Variants in CDH19 observed in about 807,000 individuals in gnomAD.
CDH19 encodes cadherin 19.
CDH19 carries 67 observed loss-of-function variants against 64.2 expected under a neutral mutation model. That is an observed-to-expected ratio of 1.04 (90% CI 0.86 to 1.28). The LOEUF (loss-of-function observed/expected upper bound fraction) is 1.28. Ranked by LOEUF, CDH19 falls within the 50% of genes most tolerant of loss-of-function variation. The pLI is 0.00. For synonymous variants in CDH19, 346 were observed against 319.3 expected, an observed-to-expected ratio of 1.08 and a Z score of -0.89; for missense variants, 1,030 against 929.0, an observed-to-expected ratio of 1.11 and a Z score of -1.41.
At chr18:66,585,225 G>T (rs988137711) in intron 1 of CDH19, among the ~76,000 whole-genome samples, 5 of 152,024 alleles carry the variant, frequency 3.3e-5, no homozygotes, top group South Asian at 2.1e-4. Context: ...CAGGGAAGAA[G>T]TCCTGGATAT....
intron 1 of CDH19, among the ~76,000 whole-genome samples, chr18:66,595,695 C>T (rs572792903): frequency 6.6e-6 from 1 of 151,932 alleles, no homozygotes; most frequent in Admixed American, 6.6e-5. Context: ...AAAGGAAAAG[C>T]CTTGGACTAG....
intron 11 of CDH19, among the ~76,000 whole-genome samples, chr18:66,507,989 G>A (rs550179597): frequency 6.6e-6 from 1 of 151,980 alleles, no homozygotes; most frequent in Admixed American, 6.6e-5. Flanking sequence ...GGAATTGATG[G>A]AAGCTAAGTT....
In CDH19 at chr18:66,508,677, A is replaced by T. The variant is rs143647335; in HGVS notation, c.1828+318T>A. On this transcript the variant is annotated intron_variant, in intron 11 of 11. Transcript: ENST00000262150. ...AAGCACTCGAGAGAAGCTCGCCATT[A>T]TTATCACTAATTTTTACATGTTTTA... Among the ~76,000 whole-genome samples the T allele has an allele frequency of 1.2e-4, 18 of 152,020 alleles. 1 individual carries two copies. In the East Asian group the frequency reaches 3.5e-3, roughly 29 times the overall value.
intron 7 of CDH19, among the ~76,000 whole-genome samples, chr18:66,543,144 G>C (rs2144483163): frequency 6.6e-6 from 1 of 152,228 alleles, no homozygotes; most frequent in South Asian, 2.1e-4. Context: ...TCCTGCCTCA[G>C]CCTCCTGAGT....
chr18:66,603,789 T>C (rs538291487), intron 1 of CDH19, among the ~76,000 whole-genome samples, 165 bp downstream of exon 1: 1 of 152,110 alleles, frequency 6.6e-6, no homozygotes, highest in Non-Finnish European at 1.5e-5. Flanking sequence ...GTACACATCA[T>C]GGTTTTAAAA....
chr18:66,577,903 C>A (rs1049789203), intron 1 of CDH19, among the ~76,000 whole-genome samples: 3 of 151,946 alleles, frequency 2.0e-5, no homozygotes, highest in Non-Finnish European at 4.4e-5. Flanking sequence ...CTATTCCTTG[C>A]ATGCCTTGGT....
intron 1 of CDH19, among the ~76,000 whole-genome samples, chr18:66,585,056 AAACGACC>A (rs1988536424): frequency 6.6e-6 from 1 of 152,056 alleles, no homozygotes; most frequent in Non-Finnish European, 1.5e-5. Context: ...ACAGTTGAAC[AAACGACC>A]AACCGTTGAA....
At chr18:66,590,529 A>T (rs971921512) in intron 1 of CDH19, among the ~76,000 whole-genome samples, 1 of 92,384 alleles carries the variant, frequency 1.1e-5, no homozygotes, top group Admixed American at 1.2e-4. Context: ...ATATCTTTAA[A>T]AAAAAAAAAA....
At chr18:66,560,946 T>TA (rs1987698976) in intron 3 of CDH19, among the ~76,000 whole-genome samples, 2 of 152,198 alleles carry the variant, frequency 1.3e-5, no homozygotes, top group Admixed American at 1.3e-4. Flanking sequence ...AAATAATATA[T>TA]ATGAACATTA....
chr18:66,527,047 ATGTGTGTGTG>A (rs71169151), intron 9 of CDH19, among the ~76,000 whole-genome samples: 1 of 144,930 alleles, frequency 6.9e-6, no homozygotes, highest in East Asian at 2.0e-4. Context: ...ATATATATAT[ATGTGTGTGTG>A]TGTGTGTGTG....
chr18:66,514,383 A>C (rs1709041786), intron 9 of CDH19, among the ~76,000 whole-genome samples: 1 of 151,554 alleles, frequency 6.6e-6, no homozygotes, highest in African/African-American at 2.4e-5. Context: ...AGGACCAAAA[A>C]TAATGGTTAA....
At chr18:66,562,781 G>A (rs1477029161) in intron 3 of CDH19, among the ~76,000 whole-genome samples, 6 of 152,078 alleles carry the variant, frequency 3.9e-5, no homozygotes, top group African/African-American at 7.2e-5. Context: ...AAGCATTCTT[G>A]TAATGTTTAA....
chr18:66,525,252 T>A (rs992350465), intron 9 of CDH19, among the ~76,000 whole-genome samples: 3 of 152,154 alleles, frequency 2.0e-5, no homozygotes, highest in African/African-American at 7.2e-5. Flanking sequence ...TTGTAATAAT[T>A]TTTAAAAACT....
At chr18:66,507,468 C>G (rs554948721) in intron 11 of CDH19, among the ~76,000 whole-genome samples, 1 of 151,462 alleles carries the variant, frequency 6.6e-6, no homozygotes, top group East Asian at 1.9e-4. Flanking sequence ...TTGAGGGAGG[C>G]AAGAGCAGAG....
At chr18:66,569,419 C>T (rs1014013614) in intron 2 of CDH19, among the ~76,000 whole-genome samples, 1 of 151,566 alleles carries the variant, frequency 6.6e-6, no homozygotes, top group Non-Finnish European at 1.5e-5. Flanking sequence ...ATCAAATCTT[C>T]TATGAGGCTG....
intron 9 of CDH19, among the ~76,000 whole-genome samples, chr18:66,512,311 T>C (rs2187272): frequency 0.96 from 145,986 of 151,568 alleles, 70,540 homozygotes; most frequent in East Asian, 1. Context: ...CAAATCCATT[T>C]TCAATTAATT....
chr18:66,525,352 AT>A (rs199943190), intron 9 of CDH19, among the ~76,000 whole-genome samples: 13 of 151,108 alleles, frequency 8.6e-5, no homozygotes, highest in Middle Eastern at 3.4e-3. Flanking sequence ...CTTTGAAAGC[AT>A]TTTTTTTTAG....
At chr18:66,574,208 C>G (rs1988197168) in intron 1 of CDH19, among the ~76,000 whole-genome samples, 1 of 151,562 alleles carries the variant, frequency 6.6e-6, no homozygotes, top group Non-Finnish European at 1.5e-5. Flanking sequence ...AATTGTATCA[C>G]TGTTGTGTGA....
intron 7 of CDH19, among the ~76,000 whole-genome samples, chr18:66,540,319 T>A (rs1986840219): frequency 6.6e-6 from 1 of 152,174 alleles, no homozygotes; most frequent in Admixed American, 6.5e-5. Flanking sequence ...TTTCAAAGTT[T>A]GACTTTAGAC....
Sources: allele counts gnomAD v4.1 joint callset (sites outside exome capture counted in the v4.1 genomes callset), GRCh38; gene constraint gnomAD v4.1.1; transcripts MANE v1.5; gene names NCBI Gene and HGNC (gene_info 2026-07-23, HGNC 2026-07-21).